The following LTBR variants were observed in gnomAD, a reference collection of about 807,000 sequenced individuals.
LTBR encodes lymphotoxin beta receptor.
In LTBR, 15 loss-of-function variants were observed where a neutral mutation model predicts 45.4. That is an observed-to-expected ratio of 0.33 (90% CI 0.22 to 0.51). The LOEUF is 0.51. Among genes scored for constraint, LTBR ranks in the 20% least tolerant of loss-of-function variants. LTBR has a pLI of 0.97. For missense variants in LTBR, 450 were observed against 565.5 expected (o/e 0.80, Z 2.07); for synonymous variants, 228 against 231.0 (o/e 0.99, Z 0.12).
chr12:6,388,402 C>A lies in LTBR; in HGVS notation c.672C>A (p.Thr224=). 6.2e-7 allele frequency: 1 copy of A among 1,613,088 alleles called. No individual in the cohort carries two copies. Among genetic ancestry groups the A allele is most frequent in the Non-Finnish European group, 8.5e-7 (1 of 1,179,418 alleles). ...LEPLPPEMSG[T]MLMLAVLLPL... is the part of the protein sequence containing the mutation. The stretch of plus-strand genomic sequence containing the variant: ...TCCTGTCTGCTGTCCTGGCAGGAAC[C>A]ATGCTGATGCTGGCCGTTCTGCTGC... The change falls in exon 7 of 10, where the codon ACC becomes ACA. Residue 224 remains threonine (T), a synonymous_variant. Transcript: ENST00000228918. This position sits in a 1 kb window ranked among gnomAD's most constrained non-coding sequence, Gnocchi z 4.3.
In LTBR at chr12:6,386,343, G is replaced by C. The variant is rs1305178042; in HGVS notation, c.570-4G>C. 7 of 1,612,388 alleles carry C rather than the reference G, an allele frequency of 4.3e-6. No individual in the cohort carries two copies. The highest frequency in any genetic ancestry group is 3.3e-4 in the Middle Eastern group (2 of 6,012). On this transcript the variant is annotated splice_polypyrimidine_tract_variant and splice_region_variant and intron_variant, in intron 5 of 9. Transcript: ENST00000228918. The surrounding 1 kb of genome is among the most constrained non-coding windows in gnomAD (Gnocchi z 4.1). Reference sequence around the variant, plus strand: ...AAAGGTCATCATCTTTTTTTCCTCTGCAGGTGTGAGAACCAAGGTCTGGTG... The same window carrying C: ...AAAGGTCATCATCTTTTTTTCCTCTCCAGGTGTGAGAACCAAGGTCTGGTG...
At position 6,385,122 on chromosome 12, in the gene LTBR, C is replaced by T. The variant is rs1477654785; in HGVS notation, c.294C>T (p.Cys98=). ...YNEHWNYLTI[C]QLCRPCDPVM... is the part of the protein sequence containing the mutation. The stretch of plus-strand genomic sequence containing the variant: ...AGCACTGGAACTACCTGACCATCTG[C>T]CAGCTGTGCCGCCCCTGTGACCCAG... Residue 98 remains cysteine, a synonymous_variant, in exon 3 of 10, where the codon TGC becomes TGT. Coordinates refer to ENST00000228918, the MANE Select transcript of LTBR (RefSeq NM_002342.3). 1.9e-6 allele frequency: 3 copies of T among 1,614,220 alleles called. No individual in the cohort carries two copies. Among genetic ancestry groups the T allele is most frequent in the Non-Finnish European group, 2.5e-6 (3 of 1,180,042 alleles).
In LTBR at chr12:6,375,563, CG is replaced by C; in HGVS notation, c.9del (p.Thr4GlnfsTer5). 6.5e-7 allele frequency: 1 copy of C among 1,534,204 alleles called. No individual in the cohort carries two copies. The highest frequency in any genetic ancestry group is 8.7e-7 in the Non-Finnish European group (1 of 1,146,360). ...CCCGCTGGCCGGCCAGGGATGGAAGCGACAGGAATCTCATTAGCATCTCAAT... is the reference window on the plus strand; with the variant it reads ...CCCGCTGGCCGGCCAGGGATGGAAGCACAGGAATCTCATTAGCATCTCAAT... On this transcript the variant is annotated frameshift_variant, in exon 1 of 10. Transcript: ENST00000539925. LOFTEE classifies it high-confidence loss of function.
At position 6,378,959 on chromosome 12, in the gene LTBR, G is replaced by C. The variant is rs530922292; in HGVS notation, c.39+3365G>C. On this transcript the variant is annotated intron_variant, in intron 1 of 9. Coordinates refer to the LTBR transcript ENST00000539925. Reference sequence around the variant, plus strand: ...TGCAGGGAGAGAAGTGAAACCAGAGGGGCTGCCATGGGATGAGGGTTATGA... The same window carrying C: ...TGCAGGGAGAGAAGTGAAACCAGAGCGGCTGCCATGGGATGAGGGTTATGA... Among the ~76,000 whole-genome samples, 155 of 152,068 alleles carry C rather than the reference G, an allele frequency of 1.0e-3. 1 individual carries two copies. The highest frequency in any genetic ancestry group is 3.7e-3 in the African/African-American group (152 of 41,394).
Position 6,385,006 on chromosome 12 carries a change from T to A in LTBR, c.194-16T>A, listed in dbSNP as rs745493154. The A allele has an allele frequency of 1.2e-5, 20 of 1,613,952 alleles. No individual in the cohort carries two copies. The highest frequency in any genetic ancestry group is 3.3e-5 in the Admixed American group (2 of 60,006). ...GCCTCGTCTCCTGAGGCTCTACTGC[T>A]CCACTCACGTTCTAGGCACCTATGT... On this transcript the variant is annotated splice_polypyrimidine_tract_variant and intron_variant, in intron 2 of 9. Transcript: ENST00000228918.
In LTBR at chr12:6,386,042, G is replaced by T. The variant is rs767335607; in HGVS notation, c.473-24G>T. Reference sequence around the variant, plus strand: ...CCCTCCCTTTTGCCCATTCACCCTGGCTGGCCTGCCTTTCTCTTGCCAGAT... The same window carrying T: ...CCCTCCCTTTTGCCCATTCACCCTGTCTGGCCTGCCTTTCTCTTGCCAGAT... On this transcript the variant is annotated intron_variant, in intron 4 of 9. Coordinates refer to ENST00000228918, the MANE Select transcript of LTBR (RefSeq NM_002342.3). The surrounding 1 kb of genome is among the most constrained non-coding windows in gnomAD (Gnocchi z 4.1). 6 of 1,577,008 alleles carry T rather than the reference G, an allele frequency of 3.8e-6. No individual in the cohort carries two copies. Among genetic ancestry groups the T allele is most frequent in the South Asian group, 1.1e-5 (1 of 90,268 alleles).
chr12:6,388,817 C>T lies in LTBR; in HGVS notation c.793C>T (p.Arg265Cys), dbSNP rs770612498. The T allele has an allele frequency of 2.5e-6, 4 of 1,613,912 alleles. No individual in the cohort carries two copies. The highest frequency in any genetic ancestry group is 3.4e-6 in the Non-Finnish European group (4 of 1,179,986). ...CRKLGSLLKR[R>C]PQGEGPNPVA... ...CATTGCAGGATCGCTGCTCAAGAGG[C>T]GTCCGCAGGTAATGGCGGGGGCTGA... is the stretch of plus-strand genomic sequence containing the variant. The change falls in exon 8 of 10, where the codon CGT (arginine) becomes TGT (cysteine). Residue 265 changes from arginine to cysteine, a missense_variant. This residue lies in a region of LTBR where 367 missense variants were observed against 435.4 expected (regional missense o/e 0.84). Transcript: ENST00000228918. This position sits in a 1 kb window ranked among gnomAD's most constrained non-coding sequence, Gnocchi z 4.3.
At chr12:6,384,554 ATTC>A (rs1289035123) in intron 1 of LTBR, 31 bp from the exon 2 acceptor site, 5 of 1,611,506 alleles carry the variant, frequency 3.1e-6, no homozygotes, top group Non-Finnish European at 4.2e-6. Context: ...CCCCTGACTA[ATTC>A]TTCTCTCCTC....
rs931392107 is a variant in LTBR at position 6,384,389 on chromosome 12, G to A, written c.31G>A (p.Gly11Ser). 3 of 1,537,946 alleles carry A rather than the reference G, an allele frequency of 2.0e-6. No homozygotes were observed. The highest frequency in any genetic ancestry group is 2.0e-5 in the Admixed American group (1 of 50,898). ...CCTGCCTTGGGCCACCTCTGCCCCC[G>A]GCCTGGCCTGGGGGCCTCTGGTGCT... is the stretch of plus-strand genomic sequence containing the variant. MLLPWATSAPGLAWGPLVLGL... is the reference protein window; with the variant it reads MLLPWATSAPSLAWGPLVLGL... Residue 11 changes from glycine to serine, a missense_variant, in exon 1 of 10, where the codon GGC becomes AGC. Transcript: ENST00000228918.
In LTBR at chr12:6,390,795, C is replaced by T; in HGVS notation, c.1166C>T (p.Pro389Leu). 2 of 1,610,748 alleles carry T rather than the reference C, an allele frequency of 1.2e-6. No individual in the cohort carries two copies. The highest frequency in any genetic ancestry group is 8.5e-7 in the Non-Finnish European group (1 of 1,178,232). The change falls in exon 10 of 10, where the codon CCC (proline) becomes CTC (leucine). Residue 389 changes from proline (P) to leucine (L), a missense_variant. Pro to Leu is a moderately conservative substitution (Grantham distance 98). Coordinates refer to ENST00000228918, the MANE Select transcript of LTBR (RefSeq NM_002342.3). ...PATPEPPYPIPEEGDPGPPGL... is the reference protein window; with the variant it reads ...PATPEPPYPILEEGDPGPPGL... Reference sequence around the variant, plus strand: ...ACCCCCGAACCTCCATACCCCATTCCCGAAGAGGGGGACCCTGGCCCTCCC... The same window carrying T: ...ACCCCCGAACCTCCATACCCCATTCTCGAAGAGGGGGACCCTGGCCCTCCC...
upstream of LTBR, among the ~76,000 whole-genome samples, chr12:6,379,172 G>A (rs143754247): frequency 5.2e-3 from 789 of 152,168 alleles, 2 homozygotes; most frequent in South Asian, 0.017. Flanking sequence ...CTGACTTCCC[G>A]CAACACAAGG....
Position 6,389,509 on chromosome 12 carries a change from C to T in LTBR, c.802-603C>T, listed in dbSNP as rs541973978. The T allele has an allele frequency of 1.2e-4, 18 of 154,624 alleles. No individual in the cohort carries two copies. The South Asian group carries it at 2.8e-3, about 24-fold the overall frequency. The allele number at this position is 154,624 out of a possible 1,614,324, so 9.6% of individuals were successfully genotyped here. On this transcript the variant is annotated intron_variant, in intron 8 of 9. Transcript: ENST00000228918. Reference sequence around the variant, plus strand: ...CCTGGTCTCTGAACAGGAGGGCACCCGCACCACCCCCAAACATGCCGATCC... The same window carrying T: ...CCTGGTCTCTGAACAGGAGGGCACCTGCACCACCCCCAAACATGCCGATCC...
Position 6,384,192 on chromosome 12 carries a change from C to A in LTBR, c.-167C>A, listed in dbSNP as rs2136926562. On this transcript the variant is annotated 5_prime_UTR_variant, in exon 1 of 10. Transcript: ENST00000228918. ...CACTTCCTGAGCTCCGCCATGGGAG[C>A]CCTGGAGGCCCGGCCTGGCCGCTCC... is the stretch of plus-strand genomic sequence containing the variant. The A allele has an allele frequency of 7.6e-7, 1 of 1,308,758 alleles. No individual in the cohort carries two copies. Among genetic ancestry groups the A allele is most frequent in the Admixed American group, 3.9e-5 (1 of 25,406 alleles). 81.1% of individuals were successfully genotyped at this position (1,308,758 alleles called of 1,614,324 possible).
At chr12:6,383,540 C>A (rs921810989), upstream of LTBR, among the ~76,000 whole-genome samples, 7 of 152,150 alleles carry the variant, frequency 4.6e-5, no homozygotes, top group Non-Finnish European at 5.9e-5. Context: ...TATCCTCCCC[C>A]TCTCTTTGGG....
chr12:6,390,459 C>T, intron 9 of LTBR, 119 bp downstream of exon 9: 1 of 1,002,334 alleles, frequency 1.0e-6, no homozygotes, highest in Non-Finnish European at 1.5e-6. Context: ...GACTCCGCTG[C>T]CAGTCAGTGT....
upstream of LTBR, among the ~76,000 whole-genome samples, chr12:6,381,126 A>G (rs1948980076): frequency 6.6e-6 from 1 of 152,190 alleles, no homozygotes; most frequent in Non-Finnish European, 1.5e-5. Flanking sequence ...TAACTGGTAC[A>G]TGGGTGATGG....
intron 6 of LTBR, chr12:6,387,764 C>T (rs1002170096): frequency 5.0e-6 from 2 of 402,110 alleles, no homozygotes; most frequent in East Asian, 7.8e-5. Context: ...CTGGAGAAGC[C>T]GAACTCCAGC....
chr12:6,384,818 C>G (rs1194676628), intron 2 of LTBR, 134 bp downstream of exon 2: 4 of 1,030,288 alleles, frequency 3.9e-6, no homozygotes. Context: ...GTGGGAAACC[C>G]TGGACATCAC....
intron 8 of LTBR, chr12:6,389,028 G>A: frequency 1.7e-6 from 1 of 576,296 alleles, no homozygotes; most frequent in Non-Finnish European, 3.1e-6. Context: ...TCATTTCCTG[G>A]AGTTCACATG....
Sources: gnomAD v4.1 joint callset for allele counts (sites outside exome capture counted in the v4.1 genomes callset) on GRCh38, gnomAD v4.1.1 for gene constraint, gnomAD v4.1.1 regional missense constraint, Gnocchi (gnomAD v3.1) non-coding constraint, MANE v1.5 for transcripts, NCBI Gene and HGNC (gene_info 2026-07-23, HGNC 2026-07-21) for gene names.